CABCOCO1: variants seen among roughly 807,000 people sequenced by gnomAD.
CABCOCO1 encodes ciliary-associated calcium-binding coiled-coil protein 1.
In CABCOCO1, 28 loss-of-function variants were observed where a neutral mutation model predicts 35.7. The observed-to-expected ratio is 0.78, with a 90% confidence interval of 0.58 to 1.07. CABCOCO1 has a LOEUF of 1.07. CABCOCO1 is among the 50% of genes least tolerant of loss of function. The pLI is 0.00. For missense variants in CABCOCO1, 326 were observed against 309.2 expected (o/e 1.05, Z -0.41); for synonymous variants, 95 against 100.1 (o/e 0.95, Z 0.30).
intron 5 of CABCOCO1, among the ~76,000 whole-genome samples, chr10:61,730,872 G>GA (rs1841287337): frequency 6.6e-6 from 1 of 151,456 alleles, no homozygotes; most frequent in Non-Finnish European, 1.5e-5. Flanking sequence ...CAGCCCCAAA[G>GA]AGGGAGATTC....
chr10:61,677,750 G>A (rs1839562678), intron 2 of CABCOCO1, among the ~76,000 whole-genome samples: 1 of 145,460 alleles, frequency 6.9e-6, no homozygotes, highest in Admixed American at 6.9e-5. Flanking sequence ...CCGTGTCCAT[G>A]TGTTCTCTTT....
chr10:61,678,536 A>G (rs1839595288), intron 2 of CABCOCO1, among the ~76,000 whole-genome samples: 3 of 151,826 alleles, frequency 2.0e-5, no homozygotes, highest in South Asian at 4.2e-4. Flanking sequence ...AAAATACACA[A>G]TGTTCACATA....
intron 5 of CABCOCO1, among the ~76,000 whole-genome samples, chr10:61,738,369 T>G (rs999142094): frequency 2.0e-5 from 3 of 152,198 alleles, no homozygotes; most frequent in African/African-American, 4.8e-5. Context: ...TTTCTGGATT[T>G]TTATGTGAAG....
chr10:61,682,509 A>G (rs1839824066), intron 3 of CABCOCO1, among the ~76,000 whole-genome samples: 1 of 152,198 alleles, frequency 6.6e-6, no homozygotes, highest in Admixed American at 6.5e-5. Context: ...AGCCAGGTCC[A>G]TAGACCTAGA....
chr10:61,750,444 C>G (rs1033948941), intron 5 of CABCOCO1, among the ~76,000 whole-genome samples: 2 of 152,022 alleles, frequency 1.3e-5, no homozygotes, highest in Admixed American at 1.3e-4. Context: ...AGCGTGGTGG[C>G]GGGTACCTGT....
chr10:61,713,968 C>A (rs919030693), intron 5 of CABCOCO1, among the ~76,000 whole-genome samples: 1 of 151,610 alleles, frequency 6.6e-6, no homozygotes, highest in South Asian at 2.1e-4. Flanking sequence ...GTCTACAATT[C>A]TCTTTTTTTT....
At chr10:61,666,055 A>T (rs564700404) in intron 1 of CABCOCO1, among the ~76,000 whole-genome samples, 1 of 152,312 alleles carries the variant, frequency 6.6e-6, no homozygotes, top group African/African-American at 2.4e-5. Context: ...GTAGGTGACA[A>T]TTACTCAATG....
intron 2 of CABCOCO1, among the ~76,000 whole-genome samples, chr10:61,673,645 G>A (rs562107367): frequency 1.3e-4 from 20 of 152,308 alleles, no homozygotes; most frequent in South Asian, 1.2e-3. Context: ...AGAAAAATCC[G>A]AGAAGGGAAG....
intron 2 of CABCOCO1, among the ~76,000 whole-genome samples, chr10:61,675,194 C>T (rs1232225300): frequency 6.6e-6 from 1 of 152,158 alleles, no homozygotes; most frequent in African/African-American, 2.4e-5. Flanking sequence ...TTCTTTCATG[C>T]TACCGCCATA....
At chr10:61,729,200 G>A (rs1205167688) in intron 5 of CABCOCO1, among the ~76,000 whole-genome samples, 1 of 152,088 alleles carries the variant, frequency 6.6e-6, no homozygotes, top group Non-Finnish European at 1.5e-5. Flanking sequence ...CAAACTTAAG[G>A]ATTATGATTC....
At chr10:61,680,527 ATGTT>A (rs1839704417) in intron 2 of CABCOCO1, among the ~76,000 whole-genome samples, 1 of 135,516 alleles carries the variant, frequency 7.4e-6, no homozygotes, top group Non-Finnish European at 1.5e-5. Context: ...AACATATTAT[ATGTT>A]ATATTATGTT....
chr10:61,687,553 T>G (rs1275942296), intron 4 of CABCOCO1, among the ~76,000 whole-genome samples: 1 of 152,186 alleles, frequency 6.6e-6, no homozygotes, highest in Non-Finnish European at 1.5e-5. Flanking sequence ...ACAAAACCCA[T>G]GCAGGTGCCA....
Position 61,719,682 on chromosome 10 carries a change from G to A in CABCOCO1, c.552+29061G>A, listed in dbSNP as rs1270059300. ...CATGCCTGTAATCCCACCACTTTGG[G>A]AGGCCGAGAGGTGGATCACCCGAGG... is the stretch of plus-strand genomic sequence containing the variant. On this transcript the variant is annotated intron_variant, in intron 5 of 7. Coordinates refer to ENST00000648843, the MANE Select transcript of CABCOCO1 (RefSeq NM_001366906.2). Among the ~76,000 whole-genome samples, 3 of 152,106 alleles carry A rather than the reference G, an allele frequency of 2.0e-5. No homozygotes were observed. In the East Asian group the frequency reaches 5.8e-4, roughly 29 times the overall value.
chr10:61,680,767 G>C (rs1169092172), intron 2 of CABCOCO1, among the ~76,000 whole-genome samples: 1 of 94,186 alleles, frequency 1.1e-5, no homozygotes, highest in Non-Finnish European at 2.0e-5. Flanking sequence ...TAACAATTTA[G>C]TTCCAGAATA....
At position 61,704,456 on chromosome 10, in the gene CABCOCO1, G is replaced by T. The variant is rs538860396; in HGVS notation, c.552+13835G>T. Among the ~76,000 whole-genome samples, 9 of 152,268 alleles carry T rather than the reference G, an allele frequency of 5.9e-5. No homozygotes were observed. In the South Asian group the frequency reaches 1.9e-3, roughly 32 times the overall value. ...GGTTGCTATGCTATAAGGACACTTG[G>T]CAGCATCTGGAGAGGCCCACAAGGC... On this transcript the variant is annotated intron_variant, in intron 5 of 7. Transcript: ENST00000648843.
intron 5 of CABCOCO1, among the ~76,000 whole-genome samples, chr10:61,707,952 G>A (rs947778965): frequency 2.0e-5 from 3 of 151,910 alleles, no homozygotes; most frequent in Middle Eastern, 3.2e-3. Context: ...TATGAAGTTC[G>A]ATTCTTCATC....
intron 2 of CABCOCO1, among the ~76,000 whole-genome samples, chr10:61,677,441 GA>G (rs1262186550): frequency 1.3e-5 from 2 of 152,138 alleles, no homozygotes; most frequent in African/African-American, 4.8e-5. Context: ...TAAGACTTAA[GA>G]ATGTATGAAG....
At chr10:61,705,107 G>C (rs1321658910) in intron 5 of CABCOCO1, among the ~76,000 whole-genome samples, 1 of 152,140 alleles carries the variant, frequency 6.6e-6, no homozygotes, top group Non-Finnish European at 1.5e-5. Context: ...GGAGAGAGGT[G>C]CTTCAGTGTT....
At chr10:61,735,287 A>C (rs1589147263) in intron 5 of CABCOCO1, among the ~76,000 whole-genome samples, 1 of 152,102 alleles carries the variant, frequency 6.6e-6, no homozygotes, top group African/African-American at 2.4e-5. Context: ...TATCATCAAG[A>C]ACTTGGTTTG....
Sources: gnomAD v4.1 joint callset for allele counts (sites outside exome capture counted in the v4.1 genomes callset) on GRCh38, gnomAD v4.1.1 for gene constraint, MANE v1.5 for transcripts, NCBI Gene and HGNC (gene_info 2026-07-23, HGNC 2026-07-21) for gene names.